GABRG3: variants seen among roughly 807,000 people sequenced by gnomAD.
GABRG3 encodes the protein gamma-aminobutyric acid type A receptor subunit gamma3, also known as gamma-aminobutyric acid receptor subunit gamma-3.
Under a neutral mutation model 48.8 loss-of-function variants are expected in GABRG3, and 25 were observed. That is an observed-to-expected ratio of 0.51 (90% CI 0.37 to 0.72). GABRG3 has a LOEUF of 0.72. Ranked by LOEUF, GABRG3 falls within the 30% of genes least tolerant of loss-of-function variation. GABRG3 has a pLI of 0.00. For synonymous variants in GABRG3, 227 were observed against 217.6 expected (o/e 1.04, Z -0.38); for missense variants, 394 against 577.9 (o/e 0.68, Z 3.26).
intron 5 of GABRG3, among the ~76,000 whole-genome samples, chr15:27,382,871 G>A (rs542841151): frequency 3.9e-5 from 6 of 152,276 alleles, no homozygotes; most frequent in Admixed American, 3.9e-4. Flanking sequence ...AACATCTGGA[G>A]CTTTGCTTGG....
chr15:27,338,727 A>T (rs548671223), intron 5 of GABRG3, among the ~76,000 whole-genome samples: 1 of 152,322 alleles, frequency 6.6e-6, no homozygotes, highest in South Asian at 2.1e-4. Flanking sequence ...CTATGTTGCT[A>T]TCAGGCTTTG....
intron 3 of GABRG3, among the ~76,000 whole-genome samples, chr15:27,158,718 A>C (rs1354690992): frequency 6.6e-6 from 1 of 152,222 alleles, no homozygotes; most frequent in East Asian, 1.9e-4. Context: ...AATAAATGGC[A>C]TTATTGTCAA....
chr15:26,990,156 G>A (rs1006539046), intron 2 of GABRG3, among the ~76,000 whole-genome samples: 1 of 152,120 alleles, frequency 6.6e-6, no homozygotes, highest in African/African-American at 2.4e-5. Flanking sequence ...TGGAATTGCT[G>A]GATCATATGG....
chr15:27,495,868 C>G (rs543000549), intron 6 of GABRG3, among the ~76,000 whole-genome samples: 1 of 152,292 alleles, frequency 6.6e-6, no homozygotes, highest in Non-Finnish European at 1.5e-5. Flanking sequence ...GTTTAGCAAA[C>G]TGTTTTTTAT....
At chr15:27,343,086 C>T (rs931358772) in intron 5 of GABRG3, among the ~76,000 whole-genome samples, 4 of 152,226 alleles carry the variant, frequency 2.6e-5, no homozygotes, top group Non-Finnish European at 5.9e-5. Context: ...CTCCTTTAAG[C>T]TCCCCTGCCC....
intron 3 of GABRG3, among the ~76,000 whole-genome samples, chr15:27,203,335 TG>T (rs1036810754): frequency 2.0e-5 from 3 of 152,210 alleles, no homozygotes; most frequent in Non-Finnish European, 4.4e-5. Flanking sequence ...CTTAGGATAA[TG>T]GCCTCCAGCT....
At chr15:27,410,845 C>CGTGTGTGTGT (rs61423614) in intron 5 of GABRG3, among the ~76,000 whole-genome samples, 21 of 143,728 alleles carry the variant, frequency 1.5e-4, no homozygotes, top group African/African-American at 3.9e-4. Flanking sequence ...TGCGCACGCT[C>CGTGTGTGTGT]GTGTGTGTGT....
rs1195858111 is a variant in GABRG3 at position 27,351,484 on chromosome 15, G to C, written c.574+22596G>C. 2.1e-5 allele frequency among the ~76,000 whole-genome samples: 3 copies of C among 145,200 alleles called. No homozygotes were observed. In the East Asian group the frequency reaches 6.3e-4, roughly 31 times the overall value. ...TTGTGTGTGTATGTTTGTATGGTGT[G>C]TGTATGGTGTGTGTGTGTTGGTATG... On this transcript the variant is annotated intron_variant, in intron 5 of 9. Coordinates refer to ENST00000615808, the MANE Select transcript of GABRG3 (RefSeq NM_033223.5).
intron 5 of GABRG3, among the ~76,000 whole-genome samples, chr15:27,358,000 C>G (rs1894896749): frequency 6.6e-6 from 1 of 152,150 alleles, no homozygotes; most frequent in South Asian, 2.1e-4. Flanking sequence ...GCTGATCATC[C>G]AAATGTTGAC....
In GABRG3 at chr15:27,219,319, C is replaced by T. The variant is rs1889372320; in HGVS notation, c.271-107490C>T. Among the ~76,000 whole-genome samples the T allele has an allele frequency of 1.3e-5, 2 of 151,928 alleles. 1 individual carries two copies. The highest frequency in any genetic ancestry group is 1.3e-4 in the Admixed American group (2 of 15,270). ...TTTTAGTTTGGGACCATTGTTTGTG[C>T]TCCTCCAAGGTAGGCAGAGTCCAAT... On this transcript the variant is annotated intron_variant, in intron 3 of 9. Coordinates refer to ENST00000615808, the MANE Select transcript of GABRG3 (RefSeq NM_033223.5).
At chr15:27,425,127 C>G (rs946684967) in intron 5 of GABRG3, among the ~76,000 whole-genome samples, 1 of 152,130 alleles carries the variant, frequency 6.6e-6, no homozygotes, top group African/African-American at 2.4e-5. Flanking sequence ...AAGAGCTGTC[C>G]GTACAACTCC....
chr15:27,313,077 G>A (rs1476917063), intron 3 of GABRG3, among the ~76,000 whole-genome samples: 1 of 148,700 alleles, frequency 6.7e-6, no homozygotes, highest in Non-Finnish European at 1.5e-5. Context: ...AAGAGAGCAG[G>A]GGTGGCTACC....
intron 3 of GABRG3, among the ~76,000 whole-genome samples, chr15:27,223,873 C>T (rs1271787608): frequency 1.3e-5 from 2 of 152,216 alleles, no homozygotes; most frequent in African/African-American, 4.8e-5. Flanking sequence ...CTTGCCTCTA[C>T]CATCTCTTCT....
chr15:27,216,323 G>C (rs1338592365), intron 3 of GABRG3, among the ~76,000 whole-genome samples: 1 of 152,240 alleles, frequency 6.6e-6, no homozygotes, highest in Non-Finnish European at 1.5e-5. Context: ...GGGAGGATCT[G>C]CCACAAGTGG....
chr15:27,524,100 C>T (rs1458219344), intron 7 of GABRG3, among the ~76,000 whole-genome samples: 2 of 152,068 alleles, frequency 1.3e-5, no homozygotes, highest in Non-Finnish European at 2.9e-5. Context: ...TAATCAAACT[C>T]TTAAAAACTG....
At chr15:27,103,474 C>T (rs916053051) in intron 3 of GABRG3, among the ~76,000 whole-genome samples, 32 of 152,126 alleles carry the variant, frequency 2.1e-4, no homozygotes, top group African/African-American at 6.5e-4. Context: ...AGCCTTCTGG[C>T]ACCAGACCGT....
At chr15:27,232,453 G>GAACCC (rs1310200414) in intron 3 of GABRG3, among the ~76,000 whole-genome samples, 1 of 152,164 alleles carries the variant, frequency 6.6e-6, no homozygotes, top group Non-Finnish European at 1.5e-5. Flanking sequence ...CCTCGTTCCA[G>GAACCC]AACCCATGTC....
chr15:27,356,431 A>G (rs1344605795), intron 5 of GABRG3, among the ~76,000 whole-genome samples: 2 of 152,158 alleles, frequency 1.3e-5, no homozygotes, highest in African/African-American at 4.8e-5. Flanking sequence ...AATGTACTAT[A>G]TGGCAGGATA....
At position 27,256,333 on chromosome 15, in the gene GABRG3, T is replaced by C. The variant is rs1043991124; in HGVS notation, c.271-70476T>C. ...GAGGGCGCCTGTAGGCCCAGCTACT[T>C]GGGAGGCTGAGGCAGGAGAATGGCG... is the stretch of plus-strand genomic sequence containing the variant. On this transcript the variant is annotated intron_variant, in intron 3 of 9. Coordinates refer to ENST00000615808, the MANE Select transcript of GABRG3 (RefSeq NM_033223.5). Among the ~76,000 whole-genome samples the C allele has an allele frequency of 6.0e-5, 9 of 150,612 alleles. No individual in the cohort carries two copies. The East Asian group carries it at 7.9e-4, about 13-fold the overall frequency.
Sources: allele counts gnomAD v4.1 joint callset (sites outside exome capture counted in the v4.1 genomes callset), GRCh38; gene constraint gnomAD v4.1.1; transcripts MANE v1.5; gene names NCBI Gene and HGNC (gene_info 2026-07-23, HGNC 2026-07-21).